The following FABP12 variants were observed in gnomAD, a reference collection of about 807,000 sequenced individuals.
The protein encoded by FABP12 is fatty acid binding protein 12.
A neutral mutation model predicts 13.7 loss-of-function variants in FABP12; 19 were observed. That is an observed-to-expected ratio of 1.39 (90% CI 0.97 to 2.04). The LOEUF is 2.04. Among genes scored for constraint, FABP12 ranks in the 30% most tolerant of loss-of-function variants. FABP12 has a pLI of 0.00. For synonymous variants in FABP12, 61 were observed against 57.0 expected, an observed-to-expected ratio of 1.07 and a Z score of -0.32; for missense variants, 182 against 164.2, an observed-to-expected ratio of 1.11 and a Z score of -0.59.
At chr8:81,571,528 T>C (rs1809932606) in intron 1 of FABP12, among the ~76,000 whole-genome samples, 1 of 152,254 alleles carries the variant, frequency 6.6e-6, no homozygotes, top group South Asian at 2.1e-4. Context: ...CTGCTGCTGC[T>C]ATTATTAACA....
At chr8:81,582,118 A>ATTTTTTTTTTTTTTTTTTTTTTTTTTTTT (rs34960860) in intron 1 of FABP12, among the ~76,000 whole-genome samples, 2 of 96,788 alleles carry the variant, frequency 2.1e-5, no homozygotes, top group Non-Finnish European at 1.9e-5. Context: ...GCTAACTGGA[A>ATTTTTTTTTTTTTTTTTTTTTTTTTTTTT]TTTTTTTTTT....
At chr8:81,560,861 T>C (rs1167511059) in intron 1 of FABP12, among the ~76,000 whole-genome samples, 1 of 152,176 alleles carries the variant, frequency 6.6e-6, no homozygotes, top group Non-Finnish European at 1.5e-5. Context: ...GTGCTGCTTC[T>C]AGGTAGTAAG....
chr8:81,582,589 A>T (rs1020714608), intron 1 of FABP12, among the ~76,000 whole-genome samples: 2 of 152,156 alleles, frequency 1.3e-5, no homozygotes, highest in Admixed American at 1.3e-4. Flanking sequence ...CTTTAAGTCA[A>T]AAATAGTAAA....
intron 1 of FABP12, among the ~76,000 whole-genome samples, chr8:81,584,562 C>T (rs918461972): frequency 2.5e-5 from 3 of 119,610 alleles, no homozygotes; most frequent in Non-Finnish European, 5.1e-5. Flanking sequence ...ATTAGGAACA[C>T]AAGGTGTGTG....
chr8:81,533,498 C>A (rs1809138572), intron 1 of FABP12, among the ~76,000 whole-genome samples: 1 of 152,190 alleles, frequency 6.6e-6, no homozygotes, highest in African/African-American at 2.4e-5. Flanking sequence ...CCATTCCAAG[C>A]CACTGTGTCC....
intron 1 of FABP12, among the ~76,000 whole-genome samples, chr8:81,564,165 AC>A (rs1809776077): frequency 6.6e-6 from 1 of 152,114 alleles, no homozygotes; most frequent in Admixed American, 6.6e-5. Context: ...AGAAAAAAAA[AC>A]AAATACATCC....
Position 81,525,094 on chromosome 8 carries a change from A to G in FABP12, c.375T>C (p.Cys125=), listed in dbSNP as rs568418174. Residue 125 remains cysteine (C), a synonymous_variant, in exon 5 of 5, where the codon TGT becomes TGC. Transcript: ENST00000360464. ...ATGATACTTTCTCGTATGTTCGTGT[A>G]CAGATAACACTGTTCACAGTACTTT... 6.3e-6 allele frequency: 10 copies of G among 1,592,710 alleles called. No individual in the cohort carries two copies. The African/African-American group carries it at 1.2e-4, about 19-fold the overall frequency.
At chr8:81,586,572 T>C (rs2130113854) in intron 1 of FABP12, among the ~76,000 whole-genome samples, 1 of 152,334 alleles carries the variant, frequency 6.6e-6, no homozygotes, top group African/African-American at 2.4e-5. Context: ...GTGGTTGTGA[T>C]TTGCATTTCC....
chr8:81,558,029 AC>A (rs1041208051), intron 1 of FABP12, among the ~76,000 whole-genome samples: 1 of 152,214 alleles, frequency 6.6e-6, no homozygotes, highest in African/African-American at 2.4e-5. Context: ...GGAAGAGGCC[AC>A]TGGAGCACAG....
chr8:81,530,587 C>A (rs564031534), intron 2 of FABP12, among the ~76,000 whole-genome samples: 1 of 152,266 alleles, frequency 6.6e-6, no homozygotes, highest in Admixed American at 6.5e-5. Context: ...TCATAAAACA[C>A]AATCACAGGA....
At chr8:81,555,729 T>C (rs887458978) in intron 1 of FABP12, among the ~76,000 whole-genome samples, 1 of 152,186 alleles carries the variant, frequency 6.6e-6, no homozygotes, top group African/African-American at 2.4e-5. Flanking sequence ...AAACTCCAGC[T>C]TGGAATACAT....
chr8:81,577,071 T>A (rs936925633), intron 1 of FABP12, among the ~76,000 whole-genome samples: 1 of 152,252 alleles, frequency 6.6e-6, no homozygotes, highest in African/African-American at 2.4e-5. Flanking sequence ...CTACTGATGA[T>A]CCTTTAGCTG....
intron 1 of FABP12, among the ~76,000 whole-genome samples, chr8:81,563,490 T>C (rs1338546919): frequency 1.3e-5 from 2 of 152,088 alleles, no homozygotes; most frequent in Non-Finnish European, 2.9e-5. Flanking sequence ...ACATAACATT[T>C]CAGATAGGTA....
At chr8:81,546,666 G>T (rs1809438964) in intron 1 of FABP12, among the ~76,000 whole-genome samples, 2 of 151,996 alleles carry the variant, frequency 1.3e-5, no homozygotes, top group Non-Finnish European at 2.9e-5. Flanking sequence ...AAAATAAAAT[G>T]AAATAAAATA....
chr8:81,531,434 G>C (rs1809072976), intron 1 of FABP12, 44 bp from the exon 2 acceptor site: 2 of 634,988 alleles, frequency 3.1e-6, no homozygotes, highest in East Asian at 2.8e-5. Context: ...GATGAGAAAA[G>C]TTAGGAAATA....
intron 1 of FABP12, among the ~76,000 whole-genome samples, chr8:81,584,026 A>T (rs998376332): frequency 6.6e-6 from 1 of 152,234 alleles, no homozygotes; most frequent in Non-Finnish European, 1.5e-5. Context: ...GGATGCAAAG[A>T]TTGTTCAACT....
chr8:81,572,951 A>G (rs1394177842), intron 1 of FABP12, among the ~76,000 whole-genome samples: 3 of 150,262 alleles, frequency 2.0e-5, no homozygotes. Context: ...CCTTAGTTTA[A>G]TTAGGTCCCA....
chr8:81,527,117 T>C, exon 4 of FABP12: 1 of 1,589,192 alleles, frequency 6.3e-7, no homozygotes. Flanking sequence ...TAAGGTTACT[T>C]TACTCTGAAA....
At chr8:81,586,896 C>T (rs2114695) in intron 1 of FABP12, among the ~76,000 whole-genome samples, 94,658 of 152,134 alleles carry the variant, frequency 0.62, 31,480 homozygotes, top group Non-Finnish European at 0.74. Context: ...GTATTTCCTA[C>T]GTTTCCTTCT....
Sources: allele counts gnomAD v4.1 joint callset (sites outside exome capture counted in the v4.1 genomes callset), GRCh38; gene constraint gnomAD v4.1.1; transcripts MANE v1.5; gene names NCBI Gene and HGNC (gene_info 2026-07-23, HGNC 2026-07-21).